The following ATAD1 variants were observed in gnomAD, a reference collection of about 807,000 sequenced individuals.
The protein encoded by ATAD1 is outer mitochondrial transmembrane helix translocase.
In ATAD1, 18 loss-of-function variants were observed where a neutral mutation model predicts 42.7. That is an observed-to-expected ratio of 0.42 (90% CI 0.29 to 0.63). The LOEUF (loss-of-function observed/expected upper bound fraction) is 0.63, where lower values mean the gene tolerates loss of function less well. Among genes scored for constraint, ATAD1 ranks in the 20% least tolerant of loss-of-function variants. ATAD1 has a pLI of 0.19. For missense variants in ATAD1, 294 were observed against 440.4 expected, an observed-to-expected ratio of 0.67 and a Z score of 2.98; for synonymous variants, 132 against 143.1, an observed-to-expected ratio of 0.92 and a Z score of 0.55.
chr10:87,772,525 T>G (rs956049375), intron 6 of ATAD1, among the ~76,000 whole-genome samples: 1 of 151,964 alleles, frequency 6.6e-6, no homozygotes, highest in African/African-American at 2.4e-5. Flanking sequence ...CATAAGATAA[T>G]GAATGAGTAT....
rs1279978624 is a variant in ATAD1 at position 87,752,550 on chromosome 10, G to A, written c.*2137C>T. ...GAGAAACTGGGCTCACAGACACACA[G>A]TTAATGGGGAGCCTGAGTTTAAATT... On this transcript the variant is annotated 3_prime_UTR_variant, in exon 10 of 10. Transcript: ENST00000680024. The A allele has an allele frequency of 6.6e-6, 1 of 152,022 alleles. No homozygotes were observed. Among genetic ancestry groups the A allele is most frequent in the Non-Finnish European group, 1.5e-5 (1 of 68,002 alleles). The allele number at this position is 152,022 out of a possible 1,614,324, so 9.4% of individuals were successfully genotyped here.
chr10:87,805,653 A>T (rs998321334), intron 2 of ATAD1, among the ~76,000 whole-genome samples: 4 of 151,970 alleles, frequency 2.6e-5, no homozygotes, highest in Non-Finnish European at 5.9e-5. Flanking sequence ...TCTACCCTAA[A>T]AATGTTCCCA....
chr10:87,759,728 C>T, intron 8 of ATAD1: 1 of 455,362 alleles, frequency 2.2e-6, no homozygotes, highest in Non-Finnish European at 4.4e-6. Context: ...GGCTCCATCA[C>T]TTCTTTGTGT....
chr10:87,813,766 A>G (rs561641389), intron 2 of ATAD1, among the ~76,000 whole-genome samples: 2 of 152,136 alleles, frequency 1.3e-5, no homozygotes, highest in African/African-American at 4.8e-5. Flanking sequence ...AAATTATGTT[A>G]TTATACCATA....
intron 1 of ATAD1, among the ~76,000 whole-genome samples, chr10:87,838,306 C>T (rs1490881764): frequency 6.6e-6 from 1 of 151,926 alleles, no homozygotes; most frequent in East Asian, 1.9e-4. Context: ...GTGGTCGGAT[C>T]ACCTGAGGTC....
chr10:87,826,930 T>TAA (rs1857740871), intron 1 of ATAD1, among the ~76,000 whole-genome samples: 1 of 151,938 alleles, frequency 6.6e-6, no homozygotes, highest in Non-Finnish European at 1.5e-5. Flanking sequence ...AGAAGACAAC[T>TAA]AAAAGTCTCT....
At chr10:87,831,693 C>T (rs1333524124) in intron 1 of ATAD1, among the ~76,000 whole-genome samples, 1 of 152,156 alleles carries the variant, frequency 6.6e-6, no homozygotes, top group Admixed American at 6.5e-5. Flanking sequence ...ATGTTAAATT[C>T]CCTATGATAC....
At chr10:87,834,921 G>T (rs949388364) in intron 1 of ATAD1, among the ~76,000 whole-genome samples, 4 of 151,780 alleles carry the variant, frequency 2.6e-5, no homozygotes, top group African/African-American at 9.7e-5. Flanking sequence ...TCCCTCTAAG[G>T]ATTGCTTTAG....
intron 5 of ATAD1, among the ~76,000 whole-genome samples, chr10:87,777,414 C>A (rs1855353493): frequency 6.6e-6 from 1 of 151,862 alleles, no homozygotes; most frequent in Non-Finnish European, 1.5e-5. Flanking sequence ...GGAAATATAC[C>A]AAAATGCTAA....
intron 4 of ATAD1, among the ~76,000 whole-genome samples, chr10:87,789,456 C>CA (rs1855990017): frequency 6.6e-6 from 1 of 152,188 alleles, no homozygotes; most frequent in Non-Finnish European, 1.5e-5. Context: ...CACAATGGCT[C>CA]ATGCCTGTAA....
chr10:87,833,767 G>A (rs1857880372), intron 1 of ATAD1, among the ~76,000 whole-genome samples: 1 of 117,564 alleles, frequency 8.5e-6, no homozygotes, highest in African/African-American at 3.3e-5. Flanking sequence ...TTGCTCTGTA[G>A]CCCAGGCTGG....
At chr10:87,771,105 T>C in intron 6 of ATAD1, 64 bp from the exon 7 acceptor site, 1 of 1,253,046 alleles carries the variant, frequency 8.0e-7, no homozygotes. Flanking sequence ...AGAATGTTAT[T>C]ACTAGGGCTT....
chr10:87,759,167 C>T (rs963105096), intron 8 of ATAD1, among the ~76,000 whole-genome samples: 16 of 152,026 alleles, frequency 1.1e-4, no homozygotes, highest in Admixed American at 7.9e-4. Context: ...GAAACAGACA[C>T]ATACAAGGAT....
At chr10:87,789,566 T>TA (rs1564760270) in intron 4 of ATAD1, among the ~76,000 whole-genome samples, 1 of 151,648 alleles carries the variant, frequency 6.6e-6, no homozygotes, top group Admixed American at 6.6e-5. Context: ...ACCAAAAATA[T>TA]AAAAAAAGAG....
intron 4 of ATAD1, 126 bp downstream of exon 4, chr10:87,790,184 C>T: frequency 2.8e-6 from 3 of 1,065,234 alleles, no homozygotes; most frequent in Non-Finnish European, 3.9e-6. Flanking sequence ...TTTTAAGAAA[C>T]TGTTCACATA....
At chr10:87,834,678 A>G (rs900672355) in intron 1 of ATAD1, among the ~76,000 whole-genome samples, 6 of 151,974 alleles carry the variant, frequency 3.9e-5, no homozygotes, top group Non-Finnish European at 8.8e-5. Flanking sequence ...ATCTTGCAAG[A>G]GATTTGTGAA....
At chr10:87,806,480 A>G (rs1469775523) in intron 2 of ATAD1, among the ~76,000 whole-genome samples, 1 of 152,162 alleles carries the variant, frequency 6.6e-6, no homozygotes, top group Non-Finnish European at 1.5e-5. Context: ...AGAAAAAAAA[A>G]TCACAATCCT....
intron 2 of ATAD1, among the ~76,000 whole-genome samples, chr10:87,797,436 C>G (rs749850731): frequency 6.6e-5 from 10 of 151,960 alleles, no homozygotes; most frequent in Admixed American, 2.0e-4. Context: ...CTCCTTCCCC[C>G]TTTGCCATCT....
At chr10:87,798,111 C>T (rs1223795612) in intron 2 of ATAD1, among the ~76,000 whole-genome samples, 3 of 152,144 alleles carry the variant, frequency 2.0e-5, no homozygotes, top group African/African-American at 7.2e-5. Context: ...TCCTGATCAT[C>T]CCATGTTTTG....
Sources: allele counts gnomAD v4.1 joint callset (sites outside exome capture counted in the v4.1 genomes callset), GRCh38; gene constraint gnomAD v4.1.1; transcripts MANE v1.5; gene names NCBI Gene and HGNC (gene_info 2026-07-23, HGNC 2026-07-21).